Variants in THSD7B observed in about 807,000 individuals in gnomAD.
The protein encoded by THSD7B is thrombospondin type 1 domain containing 7B.
THSD7B carries 138 observed loss-of-function variants against 213.6 expected under a neutral mutation model. That is an observed-to-expected ratio of 0.65 (90% CI 0.56 to 0.74). THSD7B has a LOEUF of 0.74. Ranked by LOEUF, THSD7B falls within the 30% of genes least tolerant of loss-of-function variation. The pLI is 0.00. For synonymous variants in THSD7B, 742 were observed against 687.0 expected, an observed-to-expected ratio of 1.08 and a Z score of -1.25; for missense variants, 1,931 against 1,991.5, an observed-to-expected ratio of 0.97 and a Z score of 0.58.
chr2:137,102,082 T>A (rs938700383), intron 4 of THSD7B, among the ~76,000 whole-genome samples: 1 of 152,218 alleles, frequency 6.6e-6, no homozygotes, highest in African/African-American at 2.4e-5. Context: ...CTGACCCCCA[T>A]GCCTCCTGAC....
chr2:137,399,598 T>C (rs1293104162), intron 12 of THSD7B, among the ~76,000 whole-genome samples: 1 of 152,180 alleles, frequency 6.6e-6, no homozygotes, highest in African/African-American at 2.4e-5. Flanking sequence ...GATGACTAGG[T>C]ACTTTTATCT....
intron 3 of THSD7B, among the ~76,000 whole-genome samples, chr2:137,063,880 T>C (rs1384600621): frequency 6.6e-6 from 1 of 152,102 alleles, no homozygotes; most frequent in Non-Finnish European, 1.5e-5. Context: ...TAGTACTCCA[T>C]TGTGTATATG....
At chr2:137,642,712 G>A in intron 21 of THSD7B, 79 bp downstream of exon 21, 1 of 1,495,682 alleles carries the variant, frequency 6.7e-7, no homozygotes. Context: ...ATGCGCTGAT[G>A]GAATAAATTT....
intron 17 of THSD7B, among the ~76,000 whole-genome samples, chr2:137,599,730 T>A (rs1682040154): frequency 6.6e-6 from 1 of 152,238 alleles, no homozygotes; most frequent in Admixed American, 6.5e-5. Context: ...TCTTGTATGA[T>A]ATCGACAAAC....
chr2:137,056,618 A>G lies in THSD7B; in HGVS notation c.338A>G (p.His113Arg), dbSNP rs763424568. Residue 113 changes from histidine (H) to arginine (R), a missense_variant, in exon 3 of 28, where the codon CAC becomes CGC. His to Arg is a conservative substitution (Grantham distance 29). Transcript: ENST00000409968. ...LFQWEVSDWH[H>R]CVLVPYARGE... ...CAGTGGGAGGTTTCTGACTGGCACCACTGTGTGCTTGTTCCTTACGCTCGC... is the reference window on the plus strand; with the variant it reads ...CAGTGGGAGGTTTCTGACTGGCACCGCTGTGTGCTTGTTCCTTACGCTCGC... 4.3e-6 allele frequency: 7 copies of G among 1,613,882 alleles called. No individual in the cohort carries two copies. Among genetic ancestry groups the G allele is most frequent in the South Asian group, 2.2e-5 (2 of 91,088 alleles).
At chr2:137,352,304 T>C (rs374140388) in intron 12 of THSD7B, among the ~76,000 whole-genome samples, 100 of 152,046 alleles carry the variant, frequency 6.6e-4, no homozygotes, top group African/African-American at 2.4e-3. Flanking sequence ...AGGATTCTGA[T>C]GGAGGTTAAT....
chr2:136,965,423 C>A (rs1040567983), intron 2 of THSD7B, among the ~76,000 whole-genome samples: 2 of 152,136 alleles, frequency 1.3e-5, no homozygotes, highest in Non-Finnish European at 2.9e-5. Context: ...TCAGAGAAGT[C>A]CTCACGAAGA....
chr2:137,049,099 T>C (rs1027508359), intron 2 of THSD7B, among the ~76,000 whole-genome samples: 1 of 152,232 alleles, frequency 6.6e-6, no homozygotes, highest in Non-Finnish European at 1.5e-5. Flanking sequence ...AGTGAAGCCA[T>C]ATTTATGGGA....
rs56053958 is a variant in THSD7B at position 136,977,801 on chromosome 2, G to GTT, written c.140-78599_140-78598dup. 3.5e-3 allele frequency among the ~76,000 whole-genome samples: 374 copies of GTT among 105,880 alleles called. 2 individuals carry two copies. Among genetic ancestry groups the GTT allele is most frequent in the East Asian group, 0.022 (52 of 2,340 alleles). The allele number at this position is 105,880 out of a possible 152,430, so 69.5% of individuals were successfully genotyped here. A position where few individuals can be genotyped will look rare whatever the true frequency, so the allele number is the denominator to read the frequency against. On this transcript the variant is annotated intron_variant, in intron 2 of 27. Transcript: ENST00000409968. The stretch of plus-strand genomic sequence containing the variant: ...ATGAGTTTCTTTTTTTCTTTTCTTT[G>GTT]TTTTTTTTTTTTTTTTTTTTTAAAC...
At chr2:137,579,315 T>C (rs1681526301) in intron 17 of THSD7B, among the ~76,000 whole-genome samples, 1 of 152,212 alleles carries the variant, frequency 6.6e-6, no homozygotes, top group South Asian at 2.1e-4. Flanking sequence ...TGCCTTACAC[T>C]GAGACATTGG....
rs986200327 is a variant in THSD7B at position 137,238,594 on chromosome 2, C to A, written c.2151-3863C>A. ...CGGAGTCTCGCTCTGTCGCCCAGGC[C>A]GGACTGCGGACTGCAGTGGCGCAAT... On this transcript the variant is annotated intron_variant, in intron 9 of 27. Transcript: ENST00000409968. Among the ~76,000 whole-genome samples, 29 of 122,726 alleles carry A rather than the reference C, an allele frequency of 2.4e-4. No individual in the cohort carries two copies. The Admixed American group carries it at 3.0e-3, about 13-fold the overall frequency. 80.5% of individuals were successfully genotyped at this position (122,726 alleles called of 152,430 possible).
chr2:137,038,858 G>C (rs1202630538), intron 2 of THSD7B, among the ~76,000 whole-genome samples: 2 of 152,204 alleles, frequency 1.3e-5, no homozygotes, highest in East Asian at 3.9e-4. Context: ...GTGAGAGTAA[G>C]TTATATGCTG....
intron 2 of THSD7B, among the ~76,000 whole-genome samples, chr2:136,950,432 T>G (rs1685017237): frequency 6.6e-6 from 1 of 151,716 alleles, no homozygotes; most frequent in Non-Finnish European, 1.5e-5. Context: ...GAAAGTAAAA[T>G]AAAATTTAAA....
At chr2:137,108,428 T>C (rs1688293551) in intron 4 of THSD7B, among the ~76,000 whole-genome samples, 1 of 152,222 alleles carries the variant, frequency 6.6e-6, no homozygotes, top group South Asian at 2.1e-4. Flanking sequence ...GCTTCACAGC[T>C]ATAAATGCCT....
chr2:136,957,400 C>T (rs1169484305), intron 2 of THSD7B, among the ~76,000 whole-genome samples: 1 of 149,720 alleles, frequency 6.7e-6, no homozygotes, highest in Non-Finnish European at 1.5e-5. Context: ...CCTGCTGTAA[C>T]TATTTTAGCC....
chr2:136,841,023 A>AT (rs1682911994), intron 1 of THSD7B, among the ~76,000 whole-genome samples: 1 of 152,078 alleles, frequency 6.6e-6, no homozygotes, highest in African/African-American at 2.4e-5. Flanking sequence ...GCTAGCATTT[A>AT]TTGTTCACTT....
chr2:136,957,873 C>CA (rs1171627537), intron 2 of THSD7B, among the ~76,000 whole-genome samples: 2 of 152,044 alleles, frequency 1.3e-5, no homozygotes, highest in African/African-American at 4.8e-5. Context: ...TAAGTTAGCA[C>CA]AAATGGATAC....
At chr2:136,950,368 C>T (rs1685015465) in intron 2 of THSD7B, among the ~76,000 whole-genome samples, 1 of 152,142 alleles carries the variant, frequency 6.6e-6, no homozygotes, top group Non-Finnish European at 1.5e-5. Context: ...ACCACCATGG[C>T]ACATGTATAC....
intron 1 of THSD7B, among the ~76,000 whole-genome samples, chr2:136,877,924 TG>T (rs993464949): frequency 6.6e-4 from 99 of 150,576 alleles, no homozygotes; most frequent in African/African-American, 2.1e-3. Context: ...TTTCTTTTCT[TG>T]TTTTTTTAAT....
Sources: gnomAD v4.1 joint callset for allele counts (sites outside exome capture counted in the v4.1 genomes callset) on GRCh38, gnomAD v4.1.1 for gene constraint, MANE v1.5 for transcripts, NCBI Gene and HGNC (gene_info 2026-07-23, HGNC 2026-07-21) for gene names.